SCUBE1: variants seen among roughly 807,000 people sequenced by gnomAD.
SCUBE1 encodes the protein signal peptide, CUB and EGF-like domain-containing protein 1.
A neutral mutation model predicts 124.4 loss-of-function variants in SCUBE1; 59 were observed. That is an observed-to-expected ratio of 0.47 (90% CI 0.38 to 0.59). The LOEUF (loss-of-function observed/expected upper bound fraction) is 0.59, where lower values mean the gene tolerates loss of function less well. Among genes scored for constraint, SCUBE1 ranks in the 20% least tolerant of loss-of-function variants. The pLI, the probability that SCUBE1 is intolerant of heterozygous loss-of-function variation, is 0.00. For missense variants in SCUBE1, 1,150 were observed against 1,371.2 expected (o/e 0.84, Z 2.55); for synonymous variants, 545 against 550.9 (o/e 0.99, Z 0.15).
rs185550709 is a variant in SCUBE1, at chr22:43,245,320, C to T, written c.728-6366G>A. Among the ~76,000 whole-genome samples, 1,229 of 152,346 alleles carry T rather than the reference C, an allele frequency of 8.1e-3. 11 individuals are homozygous for T. Among genetic ancestry groups the T allele is most frequent in the African/African-American group, 0.027 (1,131 of 41,582 alleles). Reference sequence around the variant, plus strand: ...AGGGCCGCGCCTGGTCCTGACCACGCCTCCCCGCCTGCCTCTACCTCCACT... The same window carrying T: ...AGGGCCGCGCCTGGTCCTGACCACGTCTCCCCGCCTGCCTCTACCTCCACT... On this transcript the variant is annotated intron_variant, in intron 6 of 21. Coordinates refer to ENST00000360835, the MANE Select transcript of SCUBE1 (RefSeq NM_173050.5).
chr22:43,226,682 T>G (rs2146674103), intron 10 of SCUBE1, among the ~76,000 whole-genome samples: 1 of 152,100 alleles, frequency 6.6e-6, no homozygotes, highest in African/African-American at 2.4e-5. Context: ...AACTTACATT[T>G]AAAAGGCTCA....
chr22:43,257,530 G>A (rs537985550), intron 6 of SCUBE1, among the ~76,000 whole-genome samples: 6 of 152,318 alleles, frequency 3.9e-5, no homozygotes, highest in African/African-American at 1.2e-4. Context: ...AGGAGGTGAC[G>A]GAGACTCAGA....
chr22:43,222,806 TG>T lies in SCUBE1; in HGVS notation c.1328-65del, dbSNP rs1374443519. ...CTCCCTCCCACGGCCCTCAGATTCT[TG>T]GGGCCTCAGAGGGATTGTGGAGTGA... On this transcript the variant is annotated intron_variant, in intron 11 of 21. Transcript: ENST00000360835. 2.3e-5 allele frequency: 30 copies of T among 1,297,652 alleles called. No homozygotes were observed. In the East Asian group the frequency reaches 7.5e-4, roughly 33 times the overall value. The allele number at this position is 1,297,652 out of a possible 1,614,324, so 80.4% of individuals were successfully genotyped here.
rs553197962 is a variant in SCUBE1 at position 43,205,705 on chromosome 22, C to G, written c.2815-1556G>C. On this transcript the variant is annotated intron_variant, in intron 21 of 21. Coordinates refer to ENST00000360835, the MANE Select transcript of SCUBE1 (RefSeq NM_173050.5). Reference sequence around the variant, plus strand: ...CTCACTCACCCCCACACACACCACCCACTCACCACACACTCACCCCCACAC... The same window carrying G: ...CTCACTCACCCCCACACACACCACCGACTCACCACACACTCACCCCCACAC... Among the ~76,000 whole-genome samples the G allele has an allele frequency of 6.3e-4, 72 of 113,772 alleles. 1 individual carries two copies. The highest frequency in any genetic ancestry group is 1.2e-3 in the Non-Finnish European group (65 of 55,472). 74.6% of individuals were successfully genotyped at this position (113,772 alleles called of 152,430 possible). A position where few individuals can be genotyped will look rare whatever the true frequency, so the allele number is the denominator to read the frequency against.
intron 2 of SCUBE1, among the ~76,000 whole-genome samples, chr22:43,334,753 C>A (rs1927010099): frequency 6.6e-6 from 1 of 152,330 alleles, no homozygotes; most frequent in East Asian, 1.9e-4. Flanking sequence ...ACAGTAAGGG[C>A]AGCTAGTGCT....
chr22:43,241,166 T>C (rs1010920795), intron 6 of SCUBE1, among the ~76,000 whole-genome samples: 4 of 152,178 alleles, frequency 2.6e-5, no homozygotes, highest in Non-Finnish European at 5.9e-5. Flanking sequence ...ACCCGCTCTC[T>C]GGACGAGGCA....
chr22:43,331,867 C>T lies in SCUBE1; in HGVS notation c.220+7237G>A, dbSNP rs115296649. Among the ~76,000 whole-genome samples the T allele has an allele frequency of 8.0e-3, 1,217 of 152,182 alleles. 18 individuals carry two copies. Among genetic ancestry groups the T allele is most frequent in the African/African-American group, 0.028 (1,165 of 41,516 alleles). Reference sequence around the variant, plus strand: ...CCCATGCCCCAGGGGCCGGATGAGCCGGGGATGAACACGCTTAGTTAAACG... The same window carrying T: ...CCCATGCCCCAGGGGCCGGATGAGCTGGGGATGAACACGCTTAGTTAAACG... On this transcript the variant is annotated intron_variant, in intron 2 of 21. Coordinates refer to ENST00000360835, the MANE Select transcript of SCUBE1 (RefSeq NM_173050.5).
chr22:43,267,341 A>T (rs1301527281), intron 4 of SCUBE1, among the ~76,000 whole-genome samples: 1 of 152,182 alleles, frequency 6.6e-6, no homozygotes, highest in Non-Finnish European at 1.5e-5. Flanking sequence ...GGAGGGAGCA[A>T]GGAAGGAAGA....
At chr22:43,204,969 A>C (rs1921162790) in intron 21 of SCUBE1, among the ~76,000 whole-genome samples, 1 of 151,940 alleles carries the variant, frequency 6.6e-6, no homozygotes, top group Non-Finnish European at 1.5e-5. Context: ...GATTTTATTA[A>C]CAAAGGGTCC....
intron 14 of SCUBE1, among the ~76,000 whole-genome samples, chr22:43,219,511 G>A (rs571128910): frequency 2.7e-4 from 21 of 78,568 alleles, no homozygotes; most frequent in South Asian, 5.8e-4. Context: ...AGTCTCACTC[G>A]TCGCCAGGCT....
rs534024985 is a variant in SCUBE1, at chr22:43,248,478, C to T, written c.728-9524G>A. 7.9e-5 allele frequency among the ~76,000 whole-genome samples: 12 copies of T among 152,354 alleles called. No individual in the cohort carries two copies. In the South Asian group the frequency reaches 2.5e-3, roughly 32 times the overall value. ...ATCACCTACTTCCCCCTACAAGCCC[C>T]AGCTGTGAGTGTGAGACAGTGAGGG... On this transcript the variant is annotated intron_variant, in intron 6 of 21. Coordinates refer to ENST00000360835, the MANE Select transcript of SCUBE1 (RefSeq NM_173050.5).
intron 21 of SCUBE1, 28 bp from the exon 22 acceptor site, chr22:43,204,177 G>A (rs1248247863): frequency 6.2e-7 from 1 of 1,611,666 alleles, no homozygotes; most frequent in Non-Finnish European, 8.5e-7. Flanking sequence ...TGGGAGGCAG[G>A]GGAGGCTTGG....
chr22:43,306,280 C>T (rs1369840088), intron 3 of SCUBE1, among the ~76,000 whole-genome samples: 1 of 152,272 alleles, frequency 6.6e-6, no homozygotes, highest in East Asian at 1.9e-4. Flanking sequence ...TTTTAAGGAG[C>T]CTTCACAAGA....
intron 4 of SCUBE1, among the ~76,000 whole-genome samples, chr22:43,270,922 C>G (rs572437833): frequency 6.8e-4 from 104 of 152,340 alleles, no homozygotes; most frequent in South Asian, 1.9e-3. Context: ...ACTGAAGGTC[C>G]TCCCTGACCC....
chr22:43,279,092 A>T (rs529746448), intron 4 of SCUBE1, among the ~76,000 whole-genome samples: 1 of 152,164 alleles, frequency 6.6e-6, no homozygotes, highest in East Asian at 1.9e-4. Context: ...CCAGGACTAG[A>T]GTCTGGGGTG....
intron 14 of SCUBE1, among the ~76,000 whole-genome samples, chr22:43,219,717 A>G (rs938265963): frequency 1.3e-5 from 2 of 151,640 alleles, no homozygotes; most frequent in Non-Finnish European, 2.9e-5. Context: ...CAAGTGATCC[A>G]CCCACTTTGG....
Position 43,212,574 on chromosome 22 carries a change from A to C in SCUBE1, c.2072T>G (p.Phe691Cys). The C allele has an allele frequency of 6.4e-7, 1 of 1,566,658 alleles. No individual in the cohort carries two copies. The change falls in exon 17 of 22, where the codon TTC becomes TGC. Residue 691 changes from phenylalanine to cysteine, a missense_variant. Coordinates refer to ENST00000360835, the MANE Select transcript of SCUBE1 (RefSeq NM_173050.5). The stretch of plus-strand genomic sequence containing the variant: ...GGGCTTGAAGCCATCGGCCGAGAAG[A>C]AGCCTGGAGAACACTGGCCTGAAAG... Reference protein sequence around the residue: ...SECGGQCSPGFFSADGFKPCQ... With the variant: ...SECGGQCSPGCFSADGFKPCQ...
At position 43,244,781 on chromosome 22, in the gene SCUBE1, G is replaced by A. The variant is rs543134319; in HGVS notation, c.728-5827C>T. ...TTCACCAGGGCAGAGGCTCTGATCC[G>A]GTGGGTCTGGCATGGGCCCAGCGTC... On this transcript the variant is annotated intron_variant, in intron 6 of 21. Coordinates refer to ENST00000360835, the MANE Select transcript of SCUBE1 (RefSeq NM_173050.5). 1.2e-4 allele frequency among the ~76,000 whole-genome samples: 18 copies of A among 152,346 alleles called. 1 individual carries two copies. In the South Asian group the frequency reaches 2.5e-3, roughly 21 times the overall value.
intron 9 of SCUBE1, 50 bp from the exon 10 acceptor site, chr22:43,227,546 C>T (rs201706083): frequency 1.3e-6 from 2 of 1,591,742 alleles, no homozygotes; most frequent in Middle Eastern, 1.7e-4. Context: ...CGGCTGGCGG[C>T]TGGCAGGGGA....
Sources: gnomAD v4.1 joint callset for allele counts (sites outside exome capture counted in the v4.1 genomes callset) on GRCh38, gnomAD v4.1.1 for gene constraint, MANE v1.5 for transcripts, NCBI Gene and HGNC (gene_info 2026-07-23, HGNC 2026-07-21) for gene names.